The following MSRA variants were observed in gnomAD, a reference collection of about 807,000 sequenced individuals.
MSRA encodes the protein methionine sulfoxide reductase A.
MSRA carries 54 observed loss-of-function variants against 31.3 expected under a neutral mutation model. That is an observed-to-expected ratio of 1.73 (90% CI 1.39 to 2.17). The LOEUF (loss-of-function observed/expected upper bound fraction) is 2.17. Ranked by LOEUF, MSRA falls within the 30% of genes most tolerant of loss-of-function variation. The pLI is 0.00. For synonymous variants in MSRA, 169 were observed against 116.5 expected (o/e 1.45, Z -2.90); for missense variants, 507 against 300.9 (o/e 1.69, Z -5.07).
intron 1 of MSRA, among the ~76,000 whole-genome samples, chr8:10,190,419 C>T (rs1807411674): frequency 6.6e-6 from 1 of 152,198 alleles, no homozygotes; most frequent in African/African-American, 2.4e-5. Context: ...TGCCTGGACA[C>T]CCCCAGCACG....
At chr8:10,183,475 G>C (rs927170326) in intron 1 of MSRA, among the ~76,000 whole-genome samples, 5 of 152,194 alleles carry the variant, frequency 3.3e-5, no homozygotes, top group African/African-American at 1.2e-4. Flanking sequence ...TCATAACAGT[G>C]CTTGGAAGGC....
chr8:10,206,884 A>T (rs1300475219), intron 1 of MSRA, among the ~76,000 whole-genome samples: 1 of 152,212 alleles, frequency 6.6e-6, no homozygotes, highest in Admixed American at 6.5e-5. Flanking sequence ...GAGGGCAGGA[A>T]CTGTGTCATC....
chr8:10,055,880 T>C (rs1802333982), intron 1 of MSRA, among the ~76,000 whole-genome samples: 1 of 152,172 alleles, frequency 6.6e-6, no homozygotes, highest in African/African-American at 2.4e-5. Context: ...TTAATCGAAT[T>C]AGCAGTTTCT....
chr8:10,123,721 C>T (rs1801292822), intron 1 of MSRA, among the ~76,000 whole-genome samples: 1 of 152,032 alleles, frequency 6.6e-6, no homozygotes, highest in African/African-American at 2.4e-5. Flanking sequence ...ATGTGGTTAG[C>T]CAGTTATCCC....
intron 5 of MSRA, among the ~76,000 whole-genome samples, chr8:10,386,151 T>G (rs1244291077): frequency 2.0e-5 from 3 of 152,216 alleles, no homozygotes; most frequent in Admixed American, 6.5e-5. Flanking sequence ...ATATATTTCT[T>G]TTAATTCTTA....
intron 3 of MSRA, among the ~76,000 whole-genome samples, chr8:10,285,648 C>T (rs1006898476): frequency 1.3e-5 from 2 of 151,362 alleles, no homozygotes; most frequent in Admixed American, 1.3e-4. Context: ...ATATCCCCTT[C>T]CCCCCACTCC....
intron 2 of MSRA, among the ~76,000 whole-genome samples, chr8:10,240,204 T>G (rs2129078972): frequency 6.6e-6 from 1 of 152,284 alleles, no homozygotes; most frequent in Admixed American, 6.5e-5. Flanking sequence ...GGTGTAATCC[T>G]TTGCCACCTT....
At chr8:10,302,224 A>G (rs997172501) in intron 4 of MSRA, among the ~76,000 whole-genome samples, 2 of 152,234 alleles carry the variant, frequency 1.3e-5, no homozygotes, top group African/African-American at 4.8e-5. Flanking sequence ...GTGGTTGGAA[A>G]TTTTATTTGA....
intron 2 of MSRA, among the ~76,000 whole-genome samples, chr8:10,220,326 T>C (rs1193911755): frequency 2.0e-5 from 3 of 152,190 alleles, no homozygotes; most frequent in East Asian, 1.9e-4. Flanking sequence ...TCCCACCCTA[T>C]ATCCTTCCAG....
At chr8:10,241,766 C>T (rs190158109) in intron 2 of MSRA, among the ~76,000 whole-genome samples, 3 of 152,286 alleles carry the variant, frequency 2.0e-5, no homozygotes, top group Admixed American at 2.0e-4. Context: ...TCTAGTCTTG[C>T]CAGAGGATCA....
chr8:10,371,319 G>A (rs1274801506), intron 5 of MSRA, among the ~76,000 whole-genome samples: 1 of 152,014 alleles, frequency 6.6e-6, no homozygotes, highest in Non-Finnish European at 1.5e-5. Flanking sequence ...GTTGCTTCCT[G>A]AGCGCGCTCT....
At chr8:10,106,654 C>A (rs1195357622) in intron 1 of MSRA, among the ~76,000 whole-genome samples, 1 of 152,320 alleles carries the variant, frequency 6.6e-6, no homozygotes, top group East Asian at 1.9e-4. Flanking sequence ...GAGTTTAAAT[C>A]AAGTCCTCTG....
intron 1 of MSRA, among the ~76,000 whole-genome samples, chr8:10,187,925 C>T (rs150504751): frequency 1.3e-5 from 2 of 152,236 alleles, no homozygotes; most frequent in East Asian, 1.9e-4. Flanking sequence ...AGGTTCCTGC[C>T]TCAGAACTTT....
chr8:10,325,750 T>C (rs559266948), intron 5 of MSRA, among the ~76,000 whole-genome samples: 1 of 152,294 alleles, frequency 6.6e-6, no homozygotes, highest in South Asian at 2.1e-4. Flanking sequence ...ATTCACAAAA[T>C]GGGGAAAATT....
intron 1 of MSRA, among the ~76,000 whole-genome samples, chr8:10,108,069 A>T (rs977168533): frequency 5.3e-5 from 8 of 151,976 alleles, no homozygotes; most frequent in African/African-American, 1.9e-4. Context: ...AATATACTTA[A>T]TGTTCCTGAA....
At chr8:10,357,576 G>A (rs1246863323) in intron 5 of MSRA, among the ~76,000 whole-genome samples, 1 of 152,124 alleles carries the variant, frequency 6.6e-6, no homozygotes, top group East Asian at 1.9e-4. Flanking sequence ...ATGACTTCAG[G>A]AGCTTTCCTA....
At chr8:10,061,729 G>C (rs1365776594) in intron 1 of MSRA, among the ~76,000 whole-genome samples, 3 of 152,214 alleles carry the variant, frequency 2.0e-5, no homozygotes, top group Non-Finnish European at 4.4e-5. Flanking sequence ...GAAGTTAACA[G>C]AGCTGCCCCA....
At position 10,183,683 on chromosome 8, in the gene MSRA, ACCCTGGAAGCCCAGGC is replaced by A. The variant is rs1806750135; in HGVS notation, c.143-24148_143-24133del. On this transcript the variant is annotated intron_variant, in intron 1 of 5. Transcript: ENST00000317173. Reference sequence around the variant, plus strand: ...TTTTTTCAATCTTTTTTCCCACTCTACCCTGGAAGCCCAGGCCTAGATACAGAGGCATAGTGTTTTT... The same window carrying A: ...TTTTTTCAATCTTTTTTCCCACTCTACTAGATACAGAGGCATAGTGTTTTT... Among the ~76,000 whole-genome samples, 5 of 151,810 alleles carry A rather than the reference ACCCTGGAAGCCCAGGC, an allele frequency of 3.3e-5. 1 individual carries two copies. Among genetic ancestry groups the A allele is most frequent in the Admixed American group, 2.6e-4 (4 of 15,232 alleles).
At chr8:10,308,349 T>G (rs1259107631) in intron 4 of MSRA, among the ~76,000 whole-genome samples, 5 of 152,190 alleles carry the variant, frequency 3.3e-5, no homozygotes, top group Non-Finnish European at 7.3e-5. Context: ...GTGTGGACCC[T>G]GGGGTCAGAG....
Sources: gnomAD v4.1 joint callset for allele counts (sites outside exome capture counted in the v4.1 genomes callset) on GRCh38, gnomAD v4.1.1 for gene constraint, MANE v1.5 for transcripts, NCBI Gene and HGNC (gene_info 2026-07-23, HGNC 2026-07-21) for gene names.